The following SNX9 variants were observed in gnomAD, a reference collection of about 807,000 sequenced individuals.
SNX9 encodes sorting nexin-9.
Under a neutral mutation model 89.4 loss-of-function variants are expected in SNX9, and 44 were observed. The ratio of observed to expected loss-of-function variants is 0.49; its 90% CI spans 0.39 to 0.63. The LOEUF is 0.63. SNX9 is among the 30% of genes least tolerant of loss of function. SNX9 has a pLI of 0.00. For missense variants in SNX9, 578 were observed against 736.1 expected (o/e 0.79, Z 2.49); for synonymous variants, 236 against 247.8 (o/e 0.95, Z 0.45).
intron 4 of SNX9, among the ~76,000 whole-genome samples, chr6:157,895,470 T>C (rs1426450718): frequency 1.3e-5 from 2 of 152,178 alleles, no homozygotes; most frequent in Non-Finnish European, 2.9e-5. Context: ...CATGGTATTA[T>C]AGTACCCAAA....
In SNX9 at chr6:157,896,032, TTCCTTATTAACCCA is replaced by T. The variant is rs571458655; in HGVS notation, c.301-788_301-775del. 1.2e-4 allele frequency among the ~76,000 whole-genome samples: 18 copies of T among 152,332 alleles called. 1 individual carries two copies. The highest frequency in any genetic ancestry group is 4.1e-4 in the African/African-American group (17 of 41,578). On this transcript the variant is annotated intron_variant, in intron 4 of 17. Coordinates refer to ENST00000392185, the MANE Select transcript of SNX9 (RefSeq NM_016224.5). ...ATCAACTTTTTTTCTGTTGTTCTAT[TTCCTTATTAACCCA>T]TCCTTAAAAACCAAGTGTTCTGTTA...
At chr6:157,935,812 G>A in intron 13 of SNX9, 152 bp from the exon 14 acceptor site, 1 of 582,974 alleles carries the variant, frequency 1.7e-6, no homozygotes, top group Non-Finnish European at 2.9e-6. Context: ...GGCAGATGGT[G>A]GGTGATGGGC....
intron 1 of SNX9, among the ~76,000 whole-genome samples, chr6:157,848,424 G>C (rs1005113383): frequency 6.6e-6 from 1 of 152,108 alleles, no homozygotes; most frequent in African/African-American, 2.4e-5. Context: ...GACATGAAAA[G>C]GATAAGCGTT....
chr6:157,902,212 TAA>T (rs57207307), intron 6 of SNX9, among the ~76,000 whole-genome samples, 167 bp downstream of exon 6: 1 of 144,870 alleles, frequency 6.9e-6, no homozygotes, highest in Non-Finnish European at 1.5e-5. Flanking sequence ...GAAGCTTACT[TAA>T]AAAAAAAAAA....
intron 2 of SNX9, among the ~76,000 whole-genome samples, chr6:157,869,945 TAC>T (rs962615591): frequency 1.3e-5 from 2 of 151,768 alleles, no homozygotes; most frequent in African/African-American, 4.8e-5. Flanking sequence ...TCATACACTT[TAC>T]ATACTCTTTC....
In SNX9 at chr6:157,873,147, C is replaced by A; in HGVS notation, c.145C>A (p.Arg49=). 1.3e-6 allele frequency: 2 copies of A among 1,596,050 alleles called. No individual in the cohort carries two copies. Among genetic ancestry groups the A allele is most frequent in the Non-Finnish European group, 1.7e-6 (2 of 1,172,028 alleles). ...WLEGRNIKGE[R]GLVPTDYVEI... ...GGAAGGAAGAAACATCAAAGGAGAA[C>A]GAGGGCTGGTTCCCACAGACTACGT... Residue 49 remains arginine, a synonymous_variant, in exon 3 of 18, where the codon CGA becomes AGA. Coordinates refer to ENST00000392185, the MANE Select transcript of SNX9 (RefSeq NM_016224.5).
intron 11 of SNX9, among the ~76,000 whole-genome samples, chr6:157,927,964 A>G (rs1783730724): frequency 6.6e-6 from 1 of 151,416 alleles, no homozygotes; most frequent in South Asian, 2.1e-4. Flanking sequence ...TAACCCTTCA[A>G]CCACGCAGAG....
rs1781768836 is a variant in SNX9 at position 157,844,610 on chromosome 6, T to G, written c.12+21164T>G. On this transcript the variant is annotated intron_variant, in intron 1 of 17. Transcript: ENST00000392185. Reference sequence around the variant, plus strand: ...TTGTTTTTTTTTTTTGTTTTTTTTTTTGAGACAGAGTCTCACTCTGTTGCC... The same window carrying G: ...TTGTTTTTTTTTTTTGTTTTTTTTTGTGAGACAGAGTCTCACTCTGTTGCC... 8.0e-5 allele frequency among the ~76,000 whole-genome samples: 12 copies of G among 150,912 alleles called. 1 individual carries two copies. In the South Asian group the frequency reaches 2.6e-3, roughly 32 times the overall value.
chr6:157,871,199 G>C (rs547174139), intron 2 of SNX9, among the ~76,000 whole-genome samples: 1 of 152,238 alleles, frequency 6.6e-6, no homozygotes, highest in Admixed American at 6.5e-5. Flanking sequence ...TAGTAACATG[G>C]CAAAACCTCA....
At chr6:157,866,227 A>G (rs571036823) in intron 1 of SNX9, among the ~76,000 whole-genome samples, 1 of 152,290 alleles carries the variant, frequency 6.6e-6, no homozygotes, top group South Asian at 2.1e-4. Context: ...AGAGCCTGCA[A>G]GAGCAGTCCC....
chr6:157,928,681 C>T lies in SNX9; in HGVS notation c.1267C>T (p.His423Tyr), dbSNP rs769178676. 5.6e-6 allele frequency: 9 copies of T among 1,607,232 alleles called. No homozygotes were observed. Among genetic ancestry groups the T allele is most frequent in the Non-Finnish European group, 6.8e-6 (8 of 1,177,090 alleles). The change falls in exon 12 of 18, where the codon CAC becomes TAC. Residue 423 changes from histidine (H) to tyrosine (Y), a missense_variant. By Grantham distance (83) the His-to-Tyr change is moderately conservative (BLOSUM62 2). Transcript: ENST00000392185. ...GGAGCTGCTGACGGTGGGGCAGGAG[C>T]ACTGGAAGCGCTGCACGGGCCGTAA... Reference protein sequence around the residue: ...VKELLTVGQEHWKRCTGPLPK... With the variant: ...VKELLTVGQEYWKRCTGPLPK...
At position 157,875,071 on chromosome 6, in the gene SNX9, A is replaced by G; in HGVS notation, c.195A>G (p.Lys65=). ...TTCAGATTTTACCCAGTGATGGAAA[A>G]GATCAATTTTCTTGTGGAAATTCAG... ...DYVEILPSDG[K]DQFSCGNSVA... The change falls in exon 4 of 18, where the codon AAA becomes AAG. Residue 65 remains lysine, a synonymous_variant. Transcript: ENST00000392185. 1 of 1,613,884 alleles carries G rather than the reference A, an allele frequency of 6.2e-7. No individual in the cohort carries two copies. The highest frequency in any genetic ancestry group is 8.5e-7 in the Non-Finnish European group (1 of 1,179,896).
intron 1 of SNX9, among the ~76,000 whole-genome samples, chr6:157,851,023 AAGTG>A (rs1781899501): frequency 6.6e-6 from 1 of 152,244 alleles, no homozygotes; most frequent in East Asian, 1.9e-4. Flanking sequence ...TGGGAGACTG[AAGTG>A]AGTGAATCAC....
chr6:157,855,922 T>C (rs920852309), intron 1 of SNX9, among the ~76,000 whole-genome samples: 2 of 152,292 alleles, frequency 1.3e-5, no homozygotes, highest in Non-Finnish European at 2.9e-5. Context: ...TGTTTTTTTG[T>C]ATTTTTAGTA....
chr6:157,925,502 C>T (rs1783673869), intron 10 of SNX9, among the ~76,000 whole-genome samples: 2 of 152,032 alleles, frequency 1.3e-5, no homozygotes, highest in African/African-American at 2.4e-5. Context: ...GAAATGCAGG[C>T]ACACAGACAC....
chr6:157,854,552 A>G (rs148883901), intron 1 of SNX9, among the ~76,000 whole-genome samples: 2 of 152,366 alleles, frequency 1.3e-5, no homozygotes, highest in East Asian at 1.9e-4. Flanking sequence ...GCAAACACGT[A>G]TGGCAAATTT....
intron 16 of SNX9, 115 bp downstream of exon 16, chr6:157,938,862 T>A: frequency 3.0e-6 from 2 of 668,992 alleles, no homozygotes; most frequent in South Asian, 2.4e-5. Flanking sequence ...TGAGACCTTT[T>A]AAGCCCCTCG....
At chr6:157,878,920 C>T (rs9356100) in intron 4 of SNX9, among the ~76,000 whole-genome samples, 14,319 of 147,036 alleles carry the variant, frequency 0.097, 955 homozygotes, top group African/African-American at 0.2. Context: ...AACAGGCTGT[C>T]CTTTGGTGGG....
chr6:157,836,928 A>T (rs1382469610), intron 1 of SNX9, among the ~76,000 whole-genome samples: 3 of 152,112 alleles, frequency 2.0e-5, no homozygotes, highest in Admixed American at 2.0e-4. Context: ...GGTGATGCTG[A>T]TGCTGCTGGT....
Sources: gnomAD v4.1 joint callset for allele counts (sites outside exome capture counted in the v4.1 genomes callset) on GRCh38, gnomAD v4.1.1 for gene constraint, MANE v1.5 for transcripts, NCBI Gene and HGNC (gene_info 2026-07-23, HGNC 2026-07-21) for gene names.